NDST4: variants seen among roughly 807,000 people sequenced by gnomAD.
NDST4 encodes N-deacetylase and N-sulfotransferase 4.
Under a neutral mutation model 100.8 loss-of-function variants are expected in NDST4, and 63 were observed. That is an observed-to-expected ratio of 0.62 (90% CI 0.51 to 0.77). The LOEUF (loss-of-function observed/expected upper bound fraction) is 0.77, where lower values mean the gene tolerates loss of function less well. NDST4 is among the 30% of genes least tolerant of loss of function. NDST4 has a pLI of 0.00. For synonymous variants in NDST4, 377 were observed against 361.8 expected, an observed-to-expected ratio of 1.04 and a Z score of -0.48; for missense variants, 943 against 1,018.4, an observed-to-expected ratio of 0.93 and a Z score of 1.01.
chr4:115,002,508 C>T (rs1470123432), intron 2 of NDST4, among the ~76,000 whole-genome samples: 1 of 152,168 alleles, frequency 6.6e-6, no homozygotes, highest in Admixed American at 6.6e-5. Context: ...AATTAGATCC[C>T]ATTTGCCAAT....
chr4:114,969,222 G>C lies in NDST4; in HGVS notation c.1221+1208C>G, dbSNP rs1578420477. On this transcript the variant is annotated intron_variant, in intron 4 of 13. Coordinates refer to ENST00000264363, the MANE Select transcript of NDST4 (RefSeq NM_022569.3). ...CCAGCTACTTGGGAGGCTGAGGCAG[G>C]AGAATGGCGTGAACCCGGGAGGCGG... 2.0e-5 allele frequency among the ~76,000 whole-genome samples: 3 copies of C among 150,040 alleles called. No individual in the cohort carries two copies. In the East Asian group the frequency reaches 5.9e-4, roughly 30 times the overall value.
At chr4:115,048,877 A>T (rs1728521946) in intron 2 of NDST4, among the ~76,000 whole-genome samples, 1 of 150,310 alleles carries the variant, frequency 6.7e-6, no homozygotes, top group South Asian at 2.1e-4. Flanking sequence ...GCCCTCAAGT[A>T]ATCTGCCCTC....
At chr4:114,854,629 C>T (rs528931880) in intron 7 of NDST4, among the ~76,000 whole-genome samples, 8 of 152,154 alleles carry the variant, frequency 5.3e-5, no homozygotes, top group East Asian at 3.9e-4. Flanking sequence ...CCACCACACC[C>T]GGCTAATTTT....
intron 2 of NDST4, among the ~76,000 whole-genome samples, chr4:114,998,736 G>T (rs577166952): frequency 6.6e-6 from 1 of 152,014 alleles, no homozygotes; most frequent in South Asian, 2.1e-4. Context: ...AGTATTTGGT[G>T]GTCTTGCTTC....
At chr4:115,059,471 T>G (rs1315932559) in intron 2 of NDST4, among the ~76,000 whole-genome samples, 2 of 152,028 alleles carry the variant, frequency 1.3e-5, no homozygotes, top group Admixed American at 1.3e-4. Flanking sequence ...AAGAAATACA[T>G]TTGGCCTTCT....
At chr4:115,078,668 G>A (rs544653062) in intron 1 of NDST4, among the ~76,000 whole-genome samples, 2 of 151,954 alleles carry the variant, frequency 1.3e-5, no homozygotes, top group Non-Finnish European at 2.9e-5. Flanking sequence ...GTGAAACCCT[G>A]TCTCTACTAA....
chr4:114,906,099 G>A (rs1057063532), intron 6 of NDST4, among the ~76,000 whole-genome samples: 10 of 151,894 alleles, frequency 6.6e-5, no homozygotes, highest in African/African-American at 2.2e-4. Flanking sequence ...ATTTTTCTAT[G>A]AGTCATAACA....
chr4:114,939,462 C>T (rs1725700824), intron 4 of NDST4, among the ~76,000 whole-genome samples: 1 of 152,094 alleles, frequency 6.6e-6, no homozygotes, highest in Non-Finnish European at 1.5e-5. Flanking sequence ...TCCTAATAGT[C>T]TTAACTAATC....
chr4:115,071,149 A>ATTATTT, intron 2 of NDST4, among the ~76,000 whole-genome samples: 1 of 152,090 alleles, frequency 6.6e-6, no homozygotes, highest in Admixed American at 6.6e-5. Context: ...AAAATAAAAA[A>ATTATTT]TAAAAATAAA....
intron 7 of NDST4, among the ~76,000 whole-genome samples, chr4:114,860,999 G>A (rs1723907578): frequency 6.6e-6 from 1 of 152,154 alleles, no homozygotes. Flanking sequence ...GCTATTAATG[G>A]ACCACACTTT....
intron 1 of NDST4, among the ~76,000 whole-genome samples, chr4:115,092,749 A>C (rs2126295436): frequency 6.6e-6 from 1 of 152,278 alleles, no homozygotes; most frequent in Non-Finnish European, 1.5e-5. Flanking sequence ...CAAAACTAGT[A>C]GTGGAGAAAA....
At chr4:115,012,548 T>C (rs1227000311) in intron 2 of NDST4, among the ~76,000 whole-genome samples, 2 of 152,042 alleles carry the variant, frequency 1.3e-5, no homozygotes, top group East Asian at 3.9e-4. Context: ...ATGTTTTTAC[T>C]CCATGAATTT....
At chr4:115,051,126 C>T (rs560036700) in intron 2 of NDST4, among the ~76,000 whole-genome samples, 1 of 152,084 alleles carries the variant, frequency 6.6e-6, no homozygotes, top group Non-Finnish European at 1.5e-5. Context: ...TTTTTCCATG[C>T]CAGTTGATTA....
At chr4:114,929,391 C>T (rs968564855) in intron 6 of NDST4, among the ~76,000 whole-genome samples, 4 of 152,160 alleles carry the variant, frequency 2.6e-5, no homozygotes, top group African/African-American at 9.7e-5. Context: ...TCTTTATGGA[C>T]TAGTGCTTGC....
At chr4:115,093,462 A>G (rs902073704) in intron 1 of NDST4, among the ~76,000 whole-genome samples, 22 of 151,954 alleles carry the variant, frequency 1.4e-4, no homozygotes, top group African/African-American at 4.1e-4. Context: ...GTGACAGAGC[A>G]AGACTCCGTC....
At chr4:114,970,360 A>G in intron 4 of NDST4, 70 bp downstream of exon 4, 1 of 1,374,948 alleles carries the variant, frequency 7.3e-7, no homozygotes, top group Non-Finnish European at 1.0e-6. Flanking sequence ...AACCCAATAC[A>G]TTAATTTTAC....
chr4:115,068,869 T>C (rs1455549792), intron 2 of NDST4, among the ~76,000 whole-genome samples: 1 of 151,666 alleles, frequency 6.6e-6, no homozygotes, highest in East Asian at 1.9e-4. Context: ...ATGTTACTAA[T>C]TGATTCTGCC....
intron 6 of NDST4, among the ~76,000 whole-genome samples, chr4:114,915,877 A>G (rs914244828): frequency 6.6e-6 from 1 of 152,068 alleles, no homozygotes; most frequent in Non-Finnish European, 1.5e-5. Context: ...GAGAGAAAAA[A>G]AGAAGGGTAA....
At chr4:114,914,889 G>A (rs1322410739) in intron 6 of NDST4, among the ~76,000 whole-genome samples, 1 of 152,068 alleles carries the variant, frequency 6.6e-6, no homozygotes, top group Admixed American at 6.6e-5. Context: ...TCGCCAGGCA[G>A]GGAATAGGTA....
Sources: gnomAD v4.1 joint callset for allele counts (sites outside exome capture counted in the v4.1 genomes callset) on GRCh38, gnomAD v4.1.1 for gene constraint, MANE v1.5 for transcripts, NCBI Gene and HGNC (gene_info 2026-07-23, HGNC 2026-07-21) for gene names.